The following ETV1 variants were observed in gnomAD, a reference collection of about 807,000 sequenced individuals.
ETV1 encodes the protein ETS variant transcription factor 1, also known as ETS translocation variant 1.
A neutral mutation model predicts 62.3 loss-of-function variants in ETV1; 27 were observed. That is an observed-to-expected ratio of 0.43 (90% confidence interval 0.32 to 0.60). The LOEUF (loss-of-function observed/expected upper bound fraction) is 0.60, where lower values mean the gene tolerates loss of function less well. Among genes scored for constraint, ETV1 ranks in the 20% least tolerant of loss-of-function variants. The pLI is 0.06. For missense variants in ETV1, 605 were observed against 605.8 expected (o/e 1.00, Z 0.01); for synonymous variants, 222 against 199.6 (o/e 1.11, Z -0.94).
chr7:13,990,524 T>C (rs1782954706), upstream of ETV1: 1 of 152,278 alleles, frequency 6.6e-6, no homozygotes, highest in Non-Finnish European at 1.5e-5. Context: ...TTTTGTTATG[T>C]ATACACGGAG....
chr7:13,958,987 G>A (rs973764923), intron 6 of ETV1: 2 of 150,830 alleles, frequency 1.3e-5, no homozygotes, highest in African/African-American at 4.9e-5. Flanking sequence ...TGTAAGTCAG[G>A]CTTCATTTTC....
chr7:13,949,529 T>C (rs1047609681), intron 6 of ETV1, among the ~76,000 whole-genome samples: 15 of 152,140 alleles, frequency 9.9e-5, no homozygotes, highest in African/African-American at 3.4e-4. Flanking sequence ...TTCTTTCTAG[T>C]ACATTTACCT....
At chr7:13,901,755 T>G (rs1230338077) in intron 12 of ETV1, among the ~76,000 whole-genome samples, 1 of 152,218 alleles carries the variant, frequency 6.6e-6, no homozygotes, top group Non-Finnish European at 1.5e-5. Context: ...AGCATTCATT[T>G]AGAGAACGGT....
At chr7:13,966,369 A>T (rs1286749500) in intron 6 of ETV1, among the ~76,000 whole-genome samples, 1 of 152,122 alleles carries the variant, frequency 6.6e-6, no homozygotes, top group Non-Finnish European at 1.5e-5. Flanking sequence ...GTGGTGGCTC[A>T]CACCTGTAAT....
chr7:13,930,948 G>C (rs373337196), intron 9 of ETV1, among the ~76,000 whole-genome samples: 2 of 151,626 alleles, frequency 1.3e-5, no homozygotes, highest in African/African-American at 2.4e-5. Context: ...CTACAGGCAC[G>C]TGCCACCATG....
chr7:13,898,421 A>G (rs1022696138), intron 13 of ETV1, among the ~76,000 whole-genome samples: 2 of 152,218 alleles, frequency 1.3e-5, no homozygotes, highest in African/African-American at 4.8e-5. Flanking sequence ...AAGGGTCTAT[A>G]ATTATATCAT....
chr7:13,942,687 T>A (rs1433459879), intron 6 of ETV1, among the ~76,000 whole-genome samples: 1 of 152,096 alleles, frequency 6.6e-6, no homozygotes, highest in Non-Finnish European at 1.5e-5. Context: ...TAAGTATTGG[T>A]TTTACATTTT....
chr7:13,978,520 A>G (rs923382178), intron 5 of ETV1, among the ~76,000 whole-genome samples: 2 of 152,016 alleles, frequency 1.3e-5, no homozygotes, highest in Non-Finnish European at 1.5e-5. Flanking sequence ...GTATTACTTC[A>G]TTAGTGTTAC....
chr7:13,905,497 G>A (rs1256630113), intron 12 of ETV1, among the ~76,000 whole-genome samples: 2 of 152,130 alleles, frequency 1.3e-5, no homozygotes, highest in African/African-American at 4.8e-5. Context: ...ACAACAATTT[G>A]ATATTAACTT....
At chr7:13,967,778 T>C (rs1324019978) in intron 6 of ETV1, among the ~76,000 whole-genome samples, 1 of 152,052 alleles carries the variant, frequency 6.6e-6, no homozygotes, top group Non-Finnish European at 1.5e-5. Flanking sequence ...CATGTACTAG[T>C]TTAGCTCAGG....
At chr7:13,972,495 G>A (rs1402144340) in intron 6 of ETV1, among the ~76,000 whole-genome samples, 1 of 152,078 alleles carries the variant, frequency 6.6e-6, no homozygotes, top group Non-Finnish European at 1.5e-5. Flanking sequence ...AAACAATTTA[G>A]GAAAATTCTG....
At chr7:13,922,684 G>A (rs909244107) in intron 9 of ETV1, among the ~76,000 whole-genome samples, 4 of 152,212 alleles carry the variant, frequency 2.6e-5, no homozygotes, top group Non-Finnish European at 4.4e-5. Flanking sequence ...AATGAAGCCT[G>A]CTAGTTTATG....
rs375810861 is a variant in ETV1, at chr7:13,988,057, T to C, written c.133+29A>G. The stretch of plus-strand genomic sequence containing the variant: ...AGGGTGGAGAGTGTAGGTAAAAAAA[T>C]GGGGATTCAGCCCAAAATCAAACCT... On this transcript the variant is annotated intron_variant, in intron 4 of 13. Coordinates refer to ENST00000430479, the MANE Select transcript of ETV1 (RefSeq NM_004956.5). 26 of 1,356,904 alleles carry C rather than the reference T, an allele frequency of 1.9e-5. No individual in the cohort carries two copies. In the East Asian group the frequency reaches 4.6e-4, roughly 24 times the overall value. The allele number at this position is 1,356,904 out of a possible 1,614,324, so 84.1% of individuals were successfully genotyped here. A position where few individuals can be genotyped will look rare whatever the true frequency, so the allele number is the denominator to read the frequency against.
chr7:13,937,593 GAAAGGCAATGACAATTCT>G (rs1232692631), intron 7 of ETV1, among the ~76,000 whole-genome samples: 5 of 152,172 alleles, frequency 3.3e-5, no homozygotes, highest in African/African-American at 1.2e-4. Flanking sequence ...GATTAATGCT[GAAAGGCAATGACAATTCT>G]ATATCTAACT....
chr7:13,982,314 A>G (rs902463651), intron 5 of ETV1, among the ~76,000 whole-genome samples: 3 of 152,088 alleles, frequency 2.0e-5, no homozygotes, highest in African/African-American at 7.2e-5. Context: ...ATAAAGTTAT[A>G]CTACAAAATG....
At chr7:13,939,300 A>T (rs1198842877) in intron 6 of ETV1, 54 bp from the exon 7 acceptor site, 3 of 1,487,050 alleles carry the variant, frequency 2.0e-6, no homozygotes, top group South Asian at 2.5e-5. Context: ...GGAATTATGG[A>T]GATTAATGTG....
chr7:13,924,305 T>G (rs1785174868), intron 9 of ETV1, among the ~76,000 whole-genome samples: 2 of 152,196 alleles, frequency 1.3e-5, no homozygotes, highest in South Asian at 4.1e-4. Flanking sequence ...ACTTAGAGCT[T>G]GGAAGGGCCA....
chr7:13,915,466 G>C (rs755773142), intron 9 of ETV1, among the ~76,000 whole-genome samples: 3 of 152,206 alleles, frequency 2.0e-5, no homozygotes, highest in Non-Finnish European at 4.4e-5. Flanking sequence ...GATGAGCATA[G>C]TGACAGATCT....
chr7:13,935,668 G>A (rs372624244), intron 8 of ETV1, 40 bp downstream of exon 8: 5 of 1,561,864 alleles, frequency 3.2e-6, no homozygotes, highest in Admixed American at 1.7e-5. Context: ...TTCCAAGAAC[G>A]CAAAAAACAG....
Sources: allele counts gnomAD v4.1 joint callset (sites outside exome capture counted in the v4.1 genomes callset), GRCh38; gene constraint gnomAD v4.1.1; transcripts MANE v1.5; gene names NCBI Gene and HGNC (gene_info 2026-07-23, HGNC 2026-07-21).